The following RUSC2 variants were observed in gnomAD, a reference collection of about 807,000 sequenced individuals.
RUSC2 encodes the protein AP-4 complex accessory subunit RUSC2.
In RUSC2, 34 loss-of-function variants were observed where a neutral mutation model predicts 122.2. The ratio of observed to expected loss-of-function variants is 0.28; its 90% CI spans 0.21 to 0.37. The LOEUF (loss-of-function observed/expected upper bound fraction) is 0.37. Among genes scored for constraint, RUSC2 ranks in the 10% least tolerant of loss-of-function variants. RUSC2 has a pLI of 1.00. For missense variants in RUSC2, 1,747 were observed against 1,952.4 expected, an observed-to-expected ratio of 0.89 and a Z score of 1.98; for synonymous variants, 784 against 790.0, an observed-to-expected ratio of 0.99 and a Z score of 0.13.
At chr9:35,540,549 G>T (rs1821622771) in intron 1 of RUSC2, among the ~76,000 whole-genome samples, 1 of 152,146 alleles carries the variant, frequency 6.6e-6, no homozygotes, top group African/African-American at 2.4e-5. Context: ...CACAAGAGCA[G>T]GGAATAATGA....
At chr9:35,496,228 G>A (rs1820710315) in intron 1 of RUSC2, among the ~76,000 whole-genome samples, 1 of 152,100 alleles carries the variant, frequency 6.6e-6, no homozygotes, top group Non-Finnish European at 1.5e-5. Flanking sequence ...CAATCGAGCG[G>A]GTTCTCAGGA....
intron 1 of RUSC2, among the ~76,000 whole-genome samples, chr9:35,497,728 G>T (rs1216318016): frequency 1.3e-5 from 2 of 152,166 alleles, no homozygotes; most frequent in African/African-American, 2.4e-5. Context: ...TGCATTGGCA[G>T]TGGGCCCATT....
In RUSC2 at chr9:35,561,635, G is replaced by C; in HGVS notation, c.*253G>C. The C allele has an allele frequency of 1.8e-6, 1 of 563,906 alleles. No individual in the cohort carries two copies. The highest frequency in any genetic ancestry group is 3.1e-6 in the Non-Finnish European group (1 of 320,736). 34.9% of individuals were successfully genotyped at this position (563,906 alleles called of 1,614,324 possible). ...CTGCCAGGATTCCCCTGGCCCGTCT[G>C]GGCCAACCCTTCCATGGGTGAAGAC... On this transcript the variant is annotated 3_prime_UTR_variant, in exon 12 of 12. Transcript: ENST00000361226.
intron 1 of RUSC2, among the ~76,000 whole-genome samples, chr9:35,512,069 T>C (rs1459994886): frequency 6.6e-6 from 1 of 152,056 alleles, no homozygotes; most frequent in East Asian, 1.9e-4. Flanking sequence ...TAGTCCCAGC[T>C]ACTCGGGAGG....
At chr9:35,527,194 G>A (rs560126392) in intron 1 of RUSC2, among the ~76,000 whole-genome samples, 1 of 151,670 alleles carries the variant, frequency 6.6e-6, no homozygotes, top group African/African-American at 2.4e-5. Context: ...CTGGAGTGCA[G>A]TAGTGCTTTC....
At chr9:35,499,687 T>G (rs1340025177) in intron 1 of RUSC2, among the ~76,000 whole-genome samples, 1 of 152,238 alleles carries the variant, frequency 6.6e-6, no homozygotes, top group East Asian at 1.9e-4. Context: ...TTTTATACTT[T>G]GTGCTTCCTT....
chr9:35,522,505 T>TTG (rs1488558044), intron 1 of RUSC2, among the ~76,000 whole-genome samples: 8 of 152,198 alleles, frequency 5.3e-5, no homozygotes, highest in Admixed American at 5.2e-4. Context: ...GAAACTTTCT[T>TTG]TTTGCTGTTC....
At chr9:35,499,511 C>T (rs1820784071) in intron 1 of RUSC2, among the ~76,000 whole-genome samples, 1 of 152,072 alleles carries the variant, frequency 6.6e-6, no homozygotes, top group Non-Finnish European at 1.5e-5. Flanking sequence ...GTATTTTTGG[C>T]TTCTTGTGTG....
intron 1 of RUSC2, among the ~76,000 whole-genome samples, chr9:35,513,450 C>T (rs1237190461): frequency 2.0e-5 from 3 of 151,766 alleles, no homozygotes; most frequent in Non-Finnish European, 4.4e-5. Flanking sequence ...GCCATGTTGG[C>T]CAGACTGGTC....
At position 35,558,146 on chromosome 9, in the gene RUSC2, A is replaced by G; in HGVS notation, c.3061-51A>G. The G allele has an allele frequency of 6.3e-7, 1 of 1,597,406 alleles. No homozygotes were observed. The highest frequency in any genetic ancestry group is 8.5e-7 in the Non-Finnish European group (1 of 1,170,384). On this transcript the variant is annotated intron_variant, in intron 6 of 11. Coordinates refer to ENST00000361226, the MANE Select transcript of RUSC2 (RefSeq NM_014806.5). This position sits in a 1 kb window ranked among gnomAD's most constrained non-coding sequence, Gnocchi z 4.3. ...AACCATGAGGGCCTGCTACGAGAGG[A>G]CCACAGTCAGGCCTGAGGGGGTTTC...
chr9:35,498,063 A>G (rs1185806763), intron 1 of RUSC2, among the ~76,000 whole-genome samples: 1 of 152,168 alleles, frequency 6.6e-6, no homozygotes, highest in Non-Finnish European at 1.5e-5. Context: ...GGTATTTGCA[A>G]CTAATCATTA....
rs1229967826 is a variant in RUSC2 at position 35,547,519 on chromosome 9, T to C, written c.998T>C (p.Met333Thr). The C allele has an allele frequency of 6.2e-7, 1 of 1,614,096 alleles. No homozygotes were observed. Among genetic ancestry groups the C allele is most frequent in the Non-Finnish European group, 8.5e-7 (1 of 1,180,010 alleles). The change falls in exon 2 of 12, where the codon ATG becomes ACG. Residue 333 changes from methionine to threonine, a missense_variant. Met to Thr is a moderately conservative substitution (Grantham distance 81, BLOSUM62 -1). Coordinates refer to ENST00000361226, the MANE Select transcript of RUSC2 (RefSeq NM_014806.5). This position sits in a 1 kb window ranked among gnomAD's most constrained non-coding sequence, Gnocchi z 4.6. ...DLQPSPFESK[M>T]SYESHHPESG... Reference sequence around the variant, plus strand: ...CAGCCCTCCCCATTTGAGTCTAAGATGTCTTATGAGTCCCATCACCCTGAA... The same window carrying C: ...CAGCCCTCCCCATTTGAGTCTAAGACGTCTTATGAGTCCCATCACCCTGAA...
At chr9:35,554,690 A>G (rs533645205) in intron 2 of RUSC2, among the ~76,000 whole-genome samples, 18 of 152,328 alleles carry the variant, frequency 1.2e-4, no homozygotes, top group African/African-American at 4.3e-4. Context: ...CTGGAGATGA[A>G]GAGGAAGGTC....
rs1418686111 is a variant in RUSC2 at position 35,548,779 on chromosome 9, C to G, written c.2014+244C>G. 1.0e-6 allele frequency: 1 copy of G among 981,316 alleles called. No homozygotes were observed. The highest frequency in any genetic ancestry group is 1.2e-6 in the Non-Finnish European group (1 of 826,356). 60.8% of individuals were successfully genotyped at this position (981,316 alleles called of 1,614,324 possible). A position where few individuals can be genotyped will look rare whatever the true frequency, so the allele number is the denominator to read the frequency against. On this transcript the variant is annotated intron_variant, in intron 2 of 11. Coordinates refer to ENST00000361226, the MANE Select transcript of RUSC2 (RefSeq NM_014806.5). The surrounding 1 kb of genome is among the most constrained non-coding windows in gnomAD (Gnocchi z 4.5). ...GTGCAGTGACTCACACCTGTGATCC[C>G]AGCCCTTTGGGAGGCCAAGCCAGGC...
intron 2 of RUSC2, among the ~76,000 whole-genome samples, chr9:35,549,502 G>A (rs186402945): frequency 2.8e-4 from 43 of 152,330 alleles, no homozygotes; most frequent in Non-Finnish European, 5.3e-4. Context: ...AACAGAAAAC[G>A]TAGTTGATCA....
At chr9:35,534,400 C>A (rs1452621240) in intron 1 of RUSC2, among the ~76,000 whole-genome samples, 3 of 147,160 alleles carry the variant, frequency 2.0e-5, no homozygotes, top group South Asian at 2.2e-4. Context: ...CAGAGTGAGA[C>A]CCCCATCTCT....
chr9:35,541,257 A>T (rs1290718256), intron 1 of RUSC2, among the ~76,000 whole-genome samples: 1 of 151,850 alleles, frequency 6.6e-6, no homozygotes, highest in East Asian at 1.9e-4. Context: ...CCCCATCCTC[A>T]TCTTCCATGT....
intron 5 of RUSC2, among the ~76,000 whole-genome samples, chr9:35,556,817 A>C (rs1587869831): frequency 1.3e-5 from 2 of 152,298 alleles, no homozygotes; most frequent in African/African-American, 4.8e-5. Flanking sequence ...ACAAAACTGA[A>C]AACTCCTTTT....
intron 1 of RUSC2, among the ~76,000 whole-genome samples, chr9:35,544,509 T>G (rs1339758867): frequency 6.6e-6 from 1 of 152,108 alleles, no homozygotes; most frequent in Non-Finnish European, 1.5e-5. Flanking sequence ...GATTTCACCA[T>G]GTCGGCCAGG....
Sources: allele counts gnomAD v4.1 joint callset (sites outside exome capture counted in the v4.1 genomes callset), GRCh38; gene constraint gnomAD v4.1.1; non-coding constraint Gnocchi (gnomAD v3.1); transcripts MANE v1.5; gene names NCBI Gene and HGNC (gene_info 2026-07-23, HGNC 2026-07-21).